SND1: variants seen among roughly 807,000 people sequenced by gnomAD.
The protein encoded by SND1 is staphylococcal nuclease and tudor domain containing 1.
In SND1, 38 loss-of-function variants were observed where a neutral mutation model predicts 121.7. The observed-to-expected ratio is 0.31, with a 90% CI of 0.24 to 0.41. The LOEUF is 0.41. Ranked by LOEUF, SND1 falls within the 10% of genes least tolerant of loss-of-function variation. The pLI is 1.00. For missense variants in SND1, 868 were observed against 1,184.6 expected, an observed-to-expected ratio of 0.73 and a Z score of 3.92; for synonymous variants, 401 against 447.4, an observed-to-expected ratio of 0.90 and a Z score of 1.31.
At chr7:127,770,665 CTT>C (rs1797498461) in intron 10 of SND1, among the ~76,000 whole-genome samples, 1 of 152,132 alleles carries the variant, frequency 6.6e-6, no homozygotes, top group East Asian at 1.9e-4. Context: ...ATGCCTTACT[CTT>C]TAAATTTTCT....
chr7:128,077,624 A>T (rs1238864647), intron 17 of SND1, among the ~76,000 whole-genome samples: 1 of 152,144 alleles, frequency 6.6e-6, no homozygotes, highest in Non-Finnish European at 1.5e-5. Flanking sequence ...TGGCCTGGAG[A>T]GACACTTCCC....
At chr7:127,925,762 C>G (rs151152897) in intron 14 of SND1, among the ~76,000 whole-genome samples, 1 of 151,988 alleles carries the variant, frequency 6.6e-6, no homozygotes, top group East Asian at 1.9e-4. Context: ...CCCTGCTATA[C>G]CCAACTAATT....
intron 11 of SND1, among the ~76,000 whole-genome samples, chr7:127,821,109 C>T (rs1021127450): frequency 1.3e-5 from 2 of 152,176 alleles, no homozygotes. Context: ...GAACTCTCTG[C>T]CTTCTTTAAC....
intron 11 of SND1, among the ~76,000 whole-genome samples, chr7:127,816,662 CTTTTTT>C (rs919893026): frequency 1.0e-3 from 142 of 135,242 alleles, no homozygotes; most frequent in African/African-American, 3.7e-3. Flanking sequence ...TTCTCAAACT[CTTTTTT>C]TTTTTTTTTT....
At chr7:127,729,035 T>C (rs1796628779) in intron 10 of SND1, among the ~76,000 whole-genome samples, 1 of 152,106 alleles carries the variant, frequency 6.6e-6, no homozygotes, top group Non-Finnish European at 1.5e-5. Context: ...TTGGGTTGAC[T>C]CGCCCTGCCT....
intron 10 of SND1, among the ~76,000 whole-genome samples, chr7:127,741,660 G>A (rs1311553388): frequency 6.6e-6 from 1 of 152,090 alleles, no homozygotes; most frequent in Admixed American, 6.6e-5. Context: ...TTGTGTACCT[G>A]TTATGGCCCT....
At chr7:127,716,446 A>G (rs567153451) in intron 9 of SND1, among the ~76,000 whole-genome samples, 15 of 139,308 alleles carry the variant, frequency 1.1e-4, no homozygotes, top group Admixed American at 9.8e-4. Flanking sequence ...ATTCCTAAGT[A>G]TTTTGTTCTT....
At chr7:127,971,605 C>T (rs960220816) in intron 15 of SND1, among the ~76,000 whole-genome samples, 1 of 152,084 alleles carries the variant, frequency 6.6e-6, no homozygotes, top group Admixed American at 6.5e-5. Flanking sequence ...TTTACAAACA[C>T]CAGCCTCTCT....
At chr7:127,736,596 G>C (rs562086163) in intron 10 of SND1, among the ~76,000 whole-genome samples, 9 of 152,302 alleles carry the variant, frequency 5.9e-5, no homozygotes, top group Middle Eastern at 3.4e-3. Flanking sequence ...TTGTGCTGTC[G>C]TACAATGTAT....
At chr7:127,903,365 A>G (rs895017565) in intron 13 of SND1, among the ~76,000 whole-genome samples, 2 of 152,170 alleles carry the variant, frequency 1.3e-5, no homozygotes, top group African/African-American at 4.8e-5. Flanking sequence ...ATTCAAATTC[A>G]GAAGAAGCCA....
intron 10 of SND1, among the ~76,000 whole-genome samples, chr7:127,782,865 C>T (rs1797747497): frequency 1.3e-5 from 2 of 152,158 alleles, no homozygotes; most frequent in Admixed American, 1.3e-4. Context: ...TATGTGTATT[C>T]GTTATAGAAA....
At chr7:127,695,104 G>T (rs1472261077) in intron 3 of SND1, among the ~76,000 whole-genome samples, 156 bp downstream of exon 3, 1 of 152,148 alleles carries the variant, frequency 6.6e-6, no homozygotes, top group East Asian at 1.9e-4. Flanking sequence ...CTGAGCACAG[G>T]GAATATATGT....
chr7:128,075,318 A>G (rs956023247), intron 17 of SND1, among the ~76,000 whole-genome samples: 1 of 152,206 alleles, frequency 6.6e-6, no homozygotes, highest in Non-Finnish European at 1.5e-5. Flanking sequence ...GGCCCTGATA[A>G]TGGGGATAAA....
rs1470960087 is a variant in SND1, at chr7:127,701,364, T to C, written c.589+41T>C. On this transcript the variant is annotated intron_variant, in intron 5 of 23. Coordinates refer to ENST00000354725, the MANE Select transcript of SND1 (RefSeq NM_014390.4). ...ACAGACAGATACGACTCAGGGTGAT[T>C]TCTTTCTGTTTGCACTCTTTGCTTC... 5 of 1,589,442 alleles carry C rather than the reference T, an allele frequency of 3.1e-6. No homozygotes were observed. The Admixed American group carries it at 8.7e-5, about 28-fold the overall frequency.
chr7:127,760,833 C>T lies in SND1; in HGVS notation c.1152+39433C>T, dbSNP rs191435904. ...TTACTCATGCCTTCAAGCACTGAGG[C>T]CCTACTAAGTGCTGGGCCATTTGGT... On this transcript the variant is annotated intron_variant, in intron 10 of 23. Transcript: ENST00000354725. Among the ~76,000 whole-genome samples the T allele has an allele frequency of 1.8e-4, 27 of 152,288 alleles. No individual in the cohort carries two copies. In the East Asian group the frequency reaches 4.8e-3, roughly 27 times the overall value.
intron 14 of SND1, among the ~76,000 whole-genome samples, chr7:127,927,709 G>C (rs182144981): frequency 9.9e-5 from 15 of 152,282 alleles, no homozygotes; most frequent in Admixed American, 3.3e-4. Context: ...TATGAATACT[G>C]TTTTCATCCC....
At chr7:127,852,607 C>G (rs1409081220) in intron 12 of SND1, among the ~76,000 whole-genome samples, 1 of 151,788 alleles carries the variant, frequency 6.6e-6, no homozygotes, top group Non-Finnish European at 1.5e-5. Flanking sequence ...GTCAGGAGTT[C>G]AAGACCAGCC....
chr7:127,657,280 A>C (rs999799822), intron 1 of SND1, among the ~76,000 whole-genome samples: 4 of 152,202 alleles, frequency 2.6e-5, no homozygotes, highest in Non-Finnish European at 4.4e-5. Context: ...ATCATACAAG[A>C]TAGTGATACC....
At chr7:127,814,787 AAG>A (rs1037561323) in intron 11 of SND1, among the ~76,000 whole-genome samples, 10 of 152,132 alleles carry the variant, frequency 6.6e-5, no homozygotes, top group African/African-American at 2.4e-4. Context: ...TTTCTTTCCC[AAG>A]GGTATAAACA....
Sources: gnomAD v4.1 joint callset for allele counts (sites outside exome capture counted in the v4.1 genomes callset) on GRCh38, gnomAD v4.1.1 for gene constraint, MANE v1.5 for transcripts, NCBI Gene and HGNC (gene_info 2026-07-23, HGNC 2026-07-21) for gene names.